The following USP13 variants were observed in gnomAD, a reference collection of about 807,000 sequenced individuals.
The protein encoded by USP13 is ubiquitin specific peptidase 13.
USP13 carries 68 observed loss-of-function variants against 107.8 expected under a neutral mutation model. The observed-to-expected ratio is 0.63, with a 90% CI of 0.52 to 0.77. The LOEUF is 0.77. Ranked by LOEUF, USP13 falls within the 30% of genes least tolerant of loss-of-function variation. USP13 has a pLI of 0.00. For synonymous variants in USP13, 377 were observed against 389.5 expected, an observed-to-expected ratio of 0.97 and a Z score of 0.38; for missense variants, 945 against 1,093.3, an observed-to-expected ratio of 0.86 and a Z score of 1.91.
At chr3:179,729,924 G>C (rs1440747088) in intron 8 of USP13, among the ~76,000 whole-genome samples, 1 of 152,218 alleles carries the variant, frequency 6.6e-6, no homozygotes. Flanking sequence ...ACATTTAGGG[G>C]TGCTTCTGGT....
intron 3 of USP13, among the ~76,000 whole-genome samples, chr3:179,697,929 T>G (rs542059803): frequency 6.6e-6 from 1 of 152,378 alleles, no homozygotes; most frequent in Non-Finnish European, 1.5e-5. Flanking sequence ...GTTCTGCTTT[T>G]CTGCATGACA....
At chr3:179,738,159 A>G (rs1315967126) in intron 10 of USP13, among the ~76,000 whole-genome samples, 1 of 152,232 alleles carries the variant, frequency 6.6e-6, no homozygotes. Context: ...CTGCAGAGAC[A>G]GACCAGAAGC....
At chr3:179,750,327 T>TGTATATATATATATAC (rs1714564425) in intron 13 of USP13, among the ~76,000 whole-genome samples, 4 of 46,578 alleles carry the variant, frequency 8.6e-5, no homozygotes, top group Non-Finnish European at 1.6e-4. Context: ...TATATGTGTG[T>TGTATATATATATATAC]ATATATATAT....
At chr3:179,689,219 A>G (rs960752630) in intron 2 of USP13, among the ~76,000 whole-genome samples, 4 of 152,224 alleles carry the variant, frequency 2.6e-5, no homozygotes, top group African/African-American at 9.6e-5. Context: ...GAAAAAACAT[A>G]CACTGTGGAA....
At chr3:179,671,178 G>A (rs899252367) in intron 1 of USP13, among the ~76,000 whole-genome samples, 3 of 152,026 alleles carry the variant, frequency 2.0e-5, no homozygotes, top group East Asian at 2.0e-4. Flanking sequence ...CCTTGAACCC[G>A]GGAGGCAGAG....
rs780567525 is a variant in USP13, at chr3:179,706,975, A to C, written c.519A>C (p.Pro173=). The C allele has an allele frequency of 1.2e-6, 2 of 1,614,132 alleles. No individual in the cohort carries two copies. Among genetic ancestry groups the C allele is most frequent in the Admixed American group, 3.3e-5 (2 of 60,010 alleles). The change falls in exon 5 of 21, where the codon CCA becomes CCC. Residue 173 remains proline (P), a synonymous_variant. Transcript: ENST00000263966. The part of the protein sequence containing the change: ...ACDAVLSSKS[P]YRKQDPDTWE... ...ATGCAGTTCTCAGCTCAAAATCTCC[A>C]TACAGAAAGCAGGACCCAGACACGT... is the stretch of plus-strand genomic sequence containing the variant.
At position 179,723,433 on chromosome 3, in the gene USP13, A is replaced by G. The variant is rs538528004; in HGVS notation, c.1088+1844A>G. Among the ~76,000 whole-genome samples the G allele has an allele frequency of 8.5e-5, 13 of 152,336 alleles. No individual in the cohort carries two copies. In the East Asian group the frequency reaches 9.6e-4, roughly 11 times the overall value. ...CATGAAGTAAGCAGGAGATACAGGCATTAAGAAAATAATCATAGTAACAAC... is the reference window on the plus strand; with the variant it reads ...CATGAAGTAAGCAGGAGATACAGGCGTTAAGAAAATAATCATAGTAACAAC... On this transcript the variant is annotated intron_variant, in intron 8 of 20. Transcript: ENST00000263966.
rs185815045 is a variant in USP13, at chr3:179,736,281, C to T, written c.1255-3966C>T. Reference sequence around the variant, plus strand: ...GTTTGACTTGTGTTTGGTATAAGGTCGCTAGATCTGGAGGCTTCATGAGAT... The same window carrying T: ...GTTTGACTTGTGTTTGGTATAAGGTTGCTAGATCTGGAGGCTTCATGAGAT... On this transcript the variant is annotated intron_variant, in intron 10 of 20. Transcript: ENST00000263966. Among the ~76,000 whole-genome samples the T allele has an allele frequency of 1.1e-3, 173 of 152,198 alleles. 1 individual carries two copies. The highest frequency in any genetic ancestry group is 3.9e-3 in the African/African-American group (163 of 41,522).
chr3:179,662,319 A>G (rs868826919), intron 1 of USP13, among the ~76,000 whole-genome samples: 2 of 152,084 alleles, frequency 1.3e-5, no homozygotes, highest in Non-Finnish European at 2.9e-5. Flanking sequence ...TGGGGCTCTG[A>G]CGGCTACATA....
At chr3:179,723,993 A>C (rs1273666554) in intron 8 of USP13, among the ~76,000 whole-genome samples, 1 of 151,214 alleles carries the variant, frequency 6.6e-6, no homozygotes, top group Non-Finnish European at 1.5e-5. Flanking sequence ...TCCCTACAAA[A>C]ATTTAAAAAA....
chr3:179,702,518 A>G (rs1196228853), intron 4 of USP13, among the ~76,000 whole-genome samples: 1 of 152,186 alleles, frequency 6.6e-6, no homozygotes, highest in Non-Finnish European at 1.5e-5. Context: ...CTCTGTAGCC[A>G]TCTGCTCACT....
intron 19 of USP13, among the ~76,000 whole-genome samples, chr3:179,780,969 T>C (rs1393848525): frequency 2.0e-5 from 3 of 152,218 alleles, no homozygotes; most frequent in African/African-American, 7.2e-5. Flanking sequence ...ACTACCTCAT[T>C]GTAGTCTGTA....
chr3:179,729,245 C>G (rs1318916268), intron 8 of USP13, among the ~76,000 whole-genome samples: 1 of 152,142 alleles, frequency 6.6e-6, no homozygotes, highest in East Asian at 1.9e-4. Flanking sequence ...TTAGCTGTTT[C>G]TGGCTACCCA....
chr3:179,779,155 G>T (rs1287040499), intron 19 of USP13, among the ~76,000 whole-genome samples: 1 of 151,954 alleles, frequency 6.6e-6, no homozygotes, highest in Non-Finnish European at 1.5e-5. Context: ...CACTGCAAGA[G>T]TGAGATTTTA....
intron 19 of USP13, among the ~76,000 whole-genome samples, chr3:179,779,841 G>A (rs1270726500): frequency 2.6e-5 from 4 of 152,148 alleles, no homozygotes; most frequent in Non-Finnish European, 4.4e-5. Flanking sequence ...GGCCATTGTA[G>A]TAATTCAGAC....
chr3:179,656,102 A>T (rs1412663099), intron 1 of USP13, among the ~76,000 whole-genome samples: 2 of 152,230 alleles, frequency 1.3e-5, no homozygotes, highest in Non-Finnish European at 2.9e-5. Context: ...ATGTACAAAG[A>T]TGGCTAGAAA....
At chr3:179,694,045 A>G (rs1239291576) in intron 3 of USP13, among the ~76,000 whole-genome samples, 2 of 150,218 alleles carry the variant, frequency 1.3e-5, no homozygotes, top group East Asian at 3.9e-4. Context: ...AATCATGGAC[A>G]CTGCAGACTC....
At chr3:179,727,893 C>T (rs1713599884) in intron 8 of USP13, among the ~76,000 whole-genome samples, 1 of 70,368 alleles carries the variant, frequency 1.4e-5, no homozygotes, top group African/African-American at 3.8e-5. Flanking sequence ...CGCCCCTCAC[C>T]TCCCGGACGG....
At chr3:179,706,621 T>A (rs1461841789) in intron 4 of USP13, among the ~76,000 whole-genome samples, 1 of 152,200 alleles carries the variant, frequency 6.6e-6, no homozygotes, top group Non-Finnish European at 1.5e-5. Flanking sequence ...CCTTGCAAAT[T>A]GTTCACCTCC....
Sources: gnomAD v4.1 joint callset for allele counts (sites outside exome capture counted in the v4.1 genomes callset) on GRCh38, gnomAD v4.1.1 for gene constraint, MANE v1.5 for transcripts, NCBI Gene and HGNC (gene_info 2026-07-23, HGNC 2026-07-21) for gene names.